The following FAIM variants were observed in gnomAD, a reference collection of about 807,000 sequenced individuals.
FAIM encodes fas apoptotic inhibitory molecule 1.
In FAIM, 14 loss-of-function variants were observed where a neutral mutation model predicts 21.2. The ratio of observed to expected loss-of-function variants is 0.66; its 90% CI spans 0.44 to 1.03. The LOEUF is 1.03. Among genes scored for constraint, FAIM ranks in the 50% least tolerant of loss-of-function variants. The probability of loss-of-function intolerance (pLI) is 0.00; values close to 1 mark genes in which losing one functional copy is unlikely to be tolerated. For synonymous variants in FAIM, 86 were observed against 80.4 expected, an observed-to-expected ratio of 1.07 and a Z score of -0.37; for missense variants, 222 against 247.1, an observed-to-expected ratio of 0.90 and a Z score of 0.68.
At chr3:138,609,836 G>C (rs113583037) in intron 1 of FAIM, among the ~76,000 whole-genome samples, 36 of 152,170 alleles carry the variant, frequency 2.4e-4, no homozygotes, top group African/African-American at 8.4e-4. Context: ...CATTTCTGTA[G>C]AAAGAATCGC....
intron 5 of FAIM, chr3:138,629,588 G>C (rs2042981363): frequency 1.3e-5 from 2 of 154,936 alleles, no homozygotes. Flanking sequence ...ATTTCCCTAG[G>C]TGCTGCTAAT....
In FAIM at chr3:138,624,811, T is replaced by G. The variant is rs189155030; in HGVS notation, c.406+2395T>G. ...ACAGAGTTGTGATATGAGTGAAGTTTAATTGATTTAGTACATGTAAAGTAC... is the reference window on the plus strand; with the variant it reads ...ACAGAGTTGTGATATGAGTGAAGTTGAATTGATTTAGTACATGTAAAGTAC... On this transcript the variant is annotated intron_variant, in intron 4 of 5. Transcript: ENST00000360570. Among the ~76,000 whole-genome samples the G allele has an allele frequency of 1.3e-4, 20 of 152,306 alleles. No individual in the cohort carries two copies. In the East Asian group the frequency reaches 3.9e-3, roughly 29 times the overall value.
intron 5 of FAIM, 127 bp downstream of exon 5, chr3:138,629,283 T>A: frequency 1.4e-6 from 1 of 696,738 alleles, no homozygotes; most frequent in Non-Finnish European, 2.4e-6. Context: ...AAAAAGGGAT[T>A]AAGTACTCCT....
intron 5 of FAIM, among the ~76,000 whole-genome samples, chr3:138,631,684 C>T (rs1276167139): frequency 6.6e-6 from 1 of 152,148 alleles, no homozygotes; most frequent in African/African-American, 2.4e-5. Flanking sequence ...CTTTTTATCT[C>T]AAAGCATCGT....
rs760599573 is a variant in FAIM at position 138,621,519 on chromosome 3, G to A, written c.157G>A (p.Val53Ile). 1.2e-6 allele frequency: 2 copies of A among 1,613,332 alleles called. No homozygotes were observed. The highest frequency in any genetic ancestry group is 1.3e-5 in the African/African-American group (1 of 74,966). Residue 53 changes from valine to isoleucine, a missense_variant, in exon 3 of 6, where the codon GTA (valine) becomes ATA (isoleucine). By Grantham distance (29) the Val-to-Ile change is conservative. Coordinates refer to ENST00000360570, the MANE Select transcript of FAIM (RefSeq NM_001033031.2). The part of the protein sequence containing the change: ...FEHGTTSGKR[V>I]VYVDGKEEIR... ...ACATGGGACTACATCAGGCAAACGA[G>A]TAGTATATGTAGATGGAAAGGTAGG...
At chr3:138,630,254 A>C (rs1391682120) in intron 5 of FAIM, 2 of 152,236 alleles carry the variant, frequency 1.3e-5, no homozygotes, top group Non-Finnish European at 1.5e-5. Flanking sequence ...TAATTCATTC[A>C]GAAGACCACC....
chr3:138,624,689 A>T (rs1173348983), intron 4 of FAIM, among the ~76,000 whole-genome samples: 3 of 152,236 alleles, frequency 2.0e-5, no homozygotes, highest in Non-Finnish European at 2.9e-5. Context: ...GTTATGAAGA[A>T]TGCAGGCTCC....
chr3:138,609,427 C>G (rs1453925451), intron 1 of FAIM, among the ~76,000 whole-genome samples: 3 of 152,068 alleles, frequency 2.0e-5, no homozygotes, highest in Non-Finnish European at 4.4e-5. Flanking sequence ...CGCTGCTCCC[C>G]AGAGACAAGC....
At chr3:138,615,751 T>C (rs1272639001) in intron 1 of FAIM, among the ~76,000 whole-genome samples, 1 of 152,224 alleles carries the variant, frequency 6.6e-6, no homozygotes, top group Non-Finnish European at 1.5e-5. Context: ...GTTGCATTTG[T>C]GGCTATTAAG....
chr3:138,622,022 C>T (rs1233806192), intron 3 of FAIM, among the ~76,000 whole-genome samples, 166 bp from the exon 4 acceptor site: 8 of 152,050 alleles, frequency 5.3e-5, no homozygotes, highest in South Asian at 2.1e-4. Flanking sequence ...CCTCATGATC[C>T]GCCCGCCTCA....
chr3:138,618,001 G>T (rs1239144938), intron 1 of FAIM, among the ~76,000 whole-genome samples: 1 of 148,900 alleles, frequency 6.7e-6, no homozygotes, highest in African/African-American at 2.5e-5. Flanking sequence ...TTGAGACAGG[G>T]TCTCACTCTG....
At chr3:138,612,805 C>G (rs2042784805) in intron 1 of FAIM, among the ~76,000 whole-genome samples, 2 of 152,168 alleles carry the variant, frequency 1.3e-5, no homozygotes, top group African/African-American at 2.4e-5. Flanking sequence ...TAGCAATGTA[C>G]AAGGATTCCA....
chr3:138,629,409 C>CA (rs1384241275), intron 5 of FAIM: 3 of 250,916 alleles, frequency 1.2e-5, no homozygotes, highest in African/African-American at 1.0e-4. Flanking sequence ...CTGGACCAGG[C>CA]TCCAGCATAG....
At chr3:138,624,059 G>T (rs2042915408) in intron 4 of FAIM, among the ~76,000 whole-genome samples, 1 of 152,048 alleles carries the variant, frequency 6.6e-6, no homozygotes, top group Non-Finnish European at 1.5e-5. Flanking sequence ...AAGGTTTTGG[G>T]AGCTCATCTT....
At chr3:138,623,928 T>A (rs1290673152) in intron 4 of FAIM, among the ~76,000 whole-genome samples, 2 of 152,104 alleles carry the variant, frequency 1.3e-5, no homozygotes, top group East Asian at 3.9e-4. Flanking sequence ...CAGTACAGAG[T>A]TTTAATTTCA....
chr3:138,618,666 T>C (rs1353289508), intron 1 of FAIM, among the ~76,000 whole-genome samples: 1 of 152,138 alleles, frequency 6.6e-6, no homozygotes, highest in Non-Finnish European at 1.5e-5. Context: ...AGGCTTTGTC[T>C]CAAAAACAAA....
chr3:138,615,680 TG>T (rs2042818858), intron 1 of FAIM, among the ~76,000 whole-genome samples: 1 of 152,240 alleles, frequency 6.6e-6, no homozygotes, highest in African/African-American at 2.4e-5. Flanking sequence ...AGTTGACTAG[TG>T]GTTTTTAATG....
chr3:138,629,439 G>T (rs535793915), intron 5 of FAIM: 52 of 254,420 alleles, frequency 2.0e-4, no homozygotes, highest in Non-Finnish European at 3.8e-4. Flanking sequence ...TACCTAAAAA[G>T]AGCCCCTAGT....
At chr3:138,613,122 C>G (rs1260328272) in intron 1 of FAIM, among the ~76,000 whole-genome samples, 1 of 151,318 alleles carries the variant, frequency 6.6e-6, no homozygotes, top group Non-Finnish European at 1.5e-5. Context: ...TCAAGCGATT[C>G]TCCTGCCTCA....
Sources: gnomAD v4.1 joint callset for allele counts (sites outside exome capture counted in the v4.1 genomes callset) on GRCh38, gnomAD v4.1.1 for gene constraint, MANE v1.5 for transcripts, NCBI Gene and HGNC (gene_info 2026-07-23, HGNC 2026-07-21) for gene names.